MRPL22: variants seen among roughly 807,000 people sequenced by gnomAD.
MRPL22 encodes mitochondrial ribosomal protein L22.
In MRPL22, 27 loss-of-function variants were observed where a neutral mutation model predicts 32.4. That is an observed-to-expected ratio of 0.83 (90% CI 0.61 to 1.15). The LOEUF (loss-of-function observed/expected upper bound fraction) is 1.15. MRPL22 is among the 50% of genes most tolerant of loss of function. The pLI is 0.00. For synonymous variants in MRPL22, 86 were observed against 87.3 expected, an observed-to-expected ratio of 0.99 and a Z score of 0.08; for missense variants, 239 against 260.2, an observed-to-expected ratio of 0.92 and a Z score of 0.56.
chr5:154,961,157 A>G (rs1764697651), intron 6 of MRPL22, among the ~76,000 whole-genome samples: 1 of 152,234 alleles, frequency 6.6e-6, no homozygotes, highest in South Asian at 2.1e-4. Context: ...CCTGAAATTC[A>G]AATTAGTTGA....
chr5:154,944,907 G>A (rs1180786679), intron 2 of MRPL22, among the ~76,000 whole-genome samples: 6 of 152,202 alleles, frequency 3.9e-5, no homozygotes, highest in African/African-American at 9.6e-5. Context: ...CATATCTGGT[G>A]TCAGGAACAA....
chr5:154,944,631 T>C (rs919559554), intron 2 of MRPL22, among the ~76,000 whole-genome samples: 1 of 152,068 alleles, frequency 6.6e-6, no homozygotes, highest in Non-Finnish European at 1.5e-5. Flanking sequence ...GGGTGTACAA[T>C]ATAGTAAGGG....
Position 154,968,592 on chromosome 5 carries a change from C to G in MRPL22, c.*1695C>G, listed in dbSNP as rs1365579163. On this transcript the variant is annotated 3_prime_UTR_variant, in exon 7 of 7. Transcript: ENST00000523037. ...AATCAGAAGCTTTGGTGTGGGAGAC[C>G]ATGGAACCTGCAGTTTTAATAAATG... 1 of 152,154 alleles carries G rather than the reference C, an allele frequency of 6.6e-6. No homozygotes were observed. The highest frequency in any genetic ancestry group is 1.5e-5 in the Non-Finnish European group (1 of 68,048). 9.4% of individuals were successfully genotyped at this position (152,154 alleles called of 1,614,324 possible).
chr5:154,968,145 G>T lies in MRPL22; in HGVS notation c.*1248G>T, dbSNP rs1764792612. On this transcript the variant is annotated 3_prime_UTR_variant, in exon 7 of 7. Transcript: ENST00000523037. ...CACAGAATTCAAATAACTATCACAA[G>T]TCACACAGCATGTAAATATTGGGGC... 1 of 152,204 alleles carries T rather than the reference G, an allele frequency of 6.6e-6. No homozygotes were observed. Among genetic ancestry groups the T allele is most frequent in the African/African-American group, 2.4e-5 (1 of 41,452 alleles). The allele number at this position is 152,204 out of a possible 1,614,324, so 9.4% of individuals were successfully genotyped here.
intron 3 of MRPL22, among the ~76,000 whole-genome samples, chr5:154,954,592 C>A (rs1052958430): frequency 1.3e-5 from 2 of 152,094 alleles, no homozygotes; most frequent in African/African-American, 4.8e-5. Context: ...TTCACCTGCC[C>A]AAAGTAAATG....
chr5:154,959,970 CTTAT>C lies in MRPL22; in HGVS notation c.340-6_340-3del. ...TAGCCGTATAAATGCTTTTCTTTTTCTTATTTAAGGTTCTCTTAGAAGCACAAGA... is the reference window on the plus strand; with the variant it reads ...TAGCCGTATAAATGCTTTTCTTTTTCTTAAGGTTCTCTTAGAAGCACAAGA... On this transcript the variant is annotated splice_polypyrimidine_tract_variant and splice_region_variant and intron_variant, in intron 5 of 6. Coordinates refer to ENST00000523037, the MANE Select transcript of MRPL22 (RefSeq NM_014180.4). 1 of 1,602,056 alleles carries C rather than the reference CTTAT, an allele frequency of 6.2e-7. No individual in the cohort carries two copies. The highest frequency in any genetic ancestry group is 8.5e-7 in the Non-Finnish European group (1 of 1,174,402).
In MRPL22 at chr5:154,959,970, C is replaced by A. The variant is rs762784170; in HGVS notation, c.340-10C>A. On this transcript the variant is annotated splice_polypyrimidine_tract_variant and intron_variant, in intron 5 of 6. Transcript: ENST00000523037. ...TAGCCGTATAAATGCTTTTCTTTTT[C>A]TTATTTAAGGTTCTCTTAGAAGCAC... The A allele has an allele frequency of 1.1e-5, 18 of 1,601,938 alleles. No individual in the cohort carries two copies. The East Asian group carries it at 3.8e-4, about 34-fold the overall frequency.
chr5:154,956,997 C>T (rs1157684846), intron 4 of MRPL22, 138 bp from the exon 5 acceptor site: 2 of 723,766 alleles, frequency 2.8e-6, no homozygotes, highest in African/African-American at 1.8e-5. Context: ...TCCTCTCAAA[C>T]TTGTTTTCTT....
intron 2 of MRPL22, 70 bp from the exon 3 acceptor site, chr5:154,950,751 A>G (rs1764548992): frequency 9.1e-6 from 9 of 989,780 alleles, no homozygotes; most frequent in Non-Finnish European, 1.4e-5. Context: ...AAGTGGTTCA[A>G]AAGATATGTA....
At chr5:154,946,536 G>A (rs1391777037) in intron 2 of MRPL22, among the ~76,000 whole-genome samples, 5 of 152,058 alleles carry the variant, frequency 3.3e-5, no homozygotes, top group Non-Finnish European at 1.5e-5. Flanking sequence ...AAAGAAACAC[G>A]GGTGTGGTGG....
chr5:154,966,752 G>A lies in MRPL22; in HGVS notation c.476G>A (p.Gly159Glu), dbSNP rs1764772579. 1.2e-6 allele frequency: 2 copies of A among 1,614,194 alleles called. No homozygotes were observed. Among genetic ancestry groups the A allele is most frequent in the Non-Finnish European group, 1.7e-6 (2 of 1,180,042 alleles). ...RIRYHGRGRF[G>E]IMEKVYCHYF... The stretch of plus-strand genomic sequence containing the variant: ...CGCTACCATGGCAGAGGTCGCTTTG[G>A]GATCATGGAGAAGGTTTATTGCCAT... Residue 159 changes from glycine to glutamate, a missense_variant, in exon 7 of 7, where the codon GGG becomes GAG. Coordinates refer to ENST00000523037, the MANE Select transcript of MRPL22 (RefSeq NM_014180.4).
intron 5 of MRPL22, 143 bp from the exon 6 acceptor site, chr5:154,959,837 T>C (rs1764678795): frequency 1.6e-6 from 1 of 616,988 alleles, no homozygotes. Context: ...TTTGTACTCT[T>C]ATCATTTGAT....
chr5:154,954,948 TG>T (rs1207446401), intron 3 of MRPL22, among the ~76,000 whole-genome samples: 2 of 151,446 alleles, frequency 1.3e-5, no homozygotes, highest in Non-Finnish European at 2.9e-5. Context: ...CCGGCCACCA[TG>T]CCCGGCTAAT....
chr5:154,942,905 G>A (rs1220168132), intron 2 of MRPL22, among the ~76,000 whole-genome samples: 1 of 152,172 alleles, frequency 6.6e-6, no homozygotes, highest in Non-Finnish European at 1.5e-5. Flanking sequence ...AGAAACTTAA[G>A]CAGTTTGCCT....
chr5:154,957,089 T>TTG (rs781444971), intron 4 of MRPL22, 46 bp from the exon 5 acceptor site: 8 of 1,520,452 alleles, frequency 5.3e-6, no homozygotes, highest in Non-Finnish European at 7.3e-6. Context: ...AACATTGACT[T>TTG]TGTAAACTAA....
chr5:154,942,048 T>C (rs1764424664), intron 2 of MRPL22, among the ~76,000 whole-genome samples: 1 of 152,246 alleles, frequency 6.6e-6, no homozygotes, highest in Non-Finnish European at 1.5e-5. Flanking sequence ...GCTTCAGTTA[T>C]CACTTTTATG....
intron 2 of MRPL22, among the ~76,000 whole-genome samples, chr5:154,947,282 G>A (rs188085876): frequency 7.2e-4 from 109 of 152,278 alleles, no homozygotes; most frequent in African/African-American, 2.5e-3. Context: ...AGGTCTGCTC[G>A]ACTCTGTAGC....
chr5:154,957,236 G>A (rs533815704), intron 5 of MRPL22, 24 bp downstream of exon 5: 7 of 1,581,054 alleles, frequency 4.4e-6, no homozygotes, highest in Non-Finnish European at 5.2e-6. Flanking sequence ...TTTGGGTGTG[G>A]TAGGGAATGG....
chr5:154,955,617 A>G (rs950467091), intron 3 of MRPL22: 2 of 152,120 alleles, frequency 1.3e-5, no homozygotes, highest in Non-Finnish European at 2.9e-5. Context: ...TCATCCCTCA[A>G]CTCATAGAGT....
Sources: allele counts gnomAD v4.1 joint callset (sites outside exome capture counted in the v4.1 genomes callset), GRCh38; gene constraint gnomAD v4.1.1; transcripts MANE v1.5; gene names NCBI Gene and HGNC (gene_info 2026-07-23, HGNC 2026-07-21).